Variants in ARHGAP21 observed in about 807,000 individuals in gnomAD.
ARHGAP21 encodes the protein Rho GTPase activating protein 21.
Under a neutral mutation model 164.6 loss-of-function variants are expected in ARHGAP21, and 38 were observed. The ratio of observed to expected loss-of-function variants is 0.23; its 90% confidence interval spans 0.18 to 0.30. The LOEUF (loss-of-function observed/expected upper bound fraction) is 0.30, where lower values mean the gene tolerates loss of function less well. Among genes scored for constraint, ARHGAP21 ranks in the 10% least tolerant of loss-of-function variants. ARHGAP21 has a pLI of 1.00. For synonymous variants in ARHGAP21, 766 were observed against 857.9 expected (o/e 0.89, Z 1.87); for missense variants, 1,822 against 2,370.7 (o/e 0.77, Z 4.81).
At chr10:24,684,417 T>C (rs1343972580) in intron 2 of ARHGAP21, among the ~76,000 whole-genome samples, 1 of 152,216 alleles carries the variant, frequency 6.6e-6, no homozygotes, top group Non-Finnish European at 1.5e-5. Context: ...CACATTTAAC[T>C]ATTACTACAA....
chr10:24,697,876 TA>T (rs1482326149), intron 2 of ARHGAP21, among the ~76,000 whole-genome samples: 1 of 150,670 alleles, frequency 6.6e-6, no homozygotes, highest in African/African-American at 2.4e-5. Context: ...AATAAAAAAA[TA>T]AAAAAAATAA....
intron 21 of ARHGAP21, among the ~76,000 whole-genome samples, chr10:24,593,455 TA>T (rs757239875): frequency 6.6e-6 from 1 of 152,170 alleles, no homozygotes; most frequent in Non-Finnish European, 1.5e-5. Flanking sequence ...GTTTTTAGAC[TA>T]ATGATAACAA....
chr10:24,667,786 T>C (rs1398885084), intron 3 of ARHGAP21, among the ~76,000 whole-genome samples: 2 of 151,898 alleles, frequency 1.3e-5, no homozygotes, highest in South Asian at 2.1e-4. Flanking sequence ...GATTATAAGA[T>C]CTAGTCTGAG....
intron 24 of ARHGAP21, chr10:24,590,352 A>G (rs10734053): frequency 1 from 1,535,297 of 1,535,376 alleles, 767,609 homozygotes; most frequent in Middle Eastern, 1. Context: ...AGAATCGGGG[A>G]TTTCTGCAGA....
intron 2 of ARHGAP21, chr10:24,706,496 C>T (rs1429056737): frequency 6.6e-6 from 1 of 152,632 alleles, no homozygotes; most frequent in Non-Finnish European, 1.5e-5. Context: ...TATACATACA[C>T]ACTTATGAAA....
chr10:24,593,479 A>G (rs1240001907), intron 21 of ARHGAP21, among the ~76,000 whole-genome samples: 1 of 152,090 alleles, frequency 6.6e-6, no homozygotes, highest in Non-Finnish European at 1.5e-5. Context: ...ATTAATATTT[A>G]TATGTATACA....
chr10:24,651,459 A>G (rs1838153503), intron 4 of ARHGAP21, among the ~76,000 whole-genome samples: 1 of 152,174 alleles, frequency 6.6e-6, no homozygotes, highest in Admixed American at 6.5e-5. Context: ...AGCCTTCTGC[A>G]TATCTCATCC....
intron 25 of ARHGAP21, among the ~76,000 whole-genome samples, chr10:24,587,153 T>A (rs1483543866): frequency 6.6e-6 from 1 of 152,046 alleles, no homozygotes; most frequent in South Asian, 2.1e-4. Context: ...TAGGTTCTTT[T>A]AAAAAAAATT....
chr10:24,628,900 T>TAAACACAC, intron 7 of ARHGAP21: 1 of 74,208 alleles, frequency 1.3e-5, no homozygotes, highest in African/African-American at 4.8e-5. Flanking sequence ...TATACATACA[T>TAAACACAC]ATATACACAT....
chr10:24,666,069 C>T (rs936301786), intron 4 of ARHGAP21, among the ~76,000 whole-genome samples: 3 of 151,904 alleles, frequency 2.0e-5, no homozygotes, highest in Admixed American at 1.3e-4. Context: ...TCGCCCTGTC[C>T]CCCAGGCTGG....
intron 4 of ARHGAP21, among the ~76,000 whole-genome samples, chr10:24,642,340 C>T (rs1015176148): frequency 6.6e-6 from 1 of 151,588 alleles, no homozygotes; most frequent in East Asian, 1.9e-4. Flanking sequence ...ACGGTGAAAC[C>T]CCGTCTCTAC....
chr10:24,599,932 G>A (rs111252807), intron 14 of ARHGAP21, among the ~76,000 whole-genome samples: 144 of 152,180 alleles, frequency 9.5e-4, no homozygotes, highest in African/African-American at 3.3e-3. Context: ...AGGAGATAGA[G>A]ACCATCCTGG....
chr10:24,689,847 T>A (rs1004429257), intron 2 of ARHGAP21, among the ~76,000 whole-genome samples: 2 of 148,562 alleles, frequency 1.3e-5, no homozygotes, highest in African/African-American at 4.9e-5. Context: ...TATATATATG[T>A]ATATATGTAT....
chr10:24,597,656 G>T, intron 15 of ARHGAP21, 73 bp from the exon 16 acceptor site: 1 of 1,571,194 alleles, frequency 6.4e-7, no homozygotes, highest in Non-Finnish European at 8.6e-7. Context: ...TACCCGTGGT[G>T]AGCCATGGTC....
intron 7 of ARHGAP21, among the ~76,000 whole-genome samples, chr10:24,624,349 T>TTTTTTTTC (rs1834873685): frequency 7.0e-6 from 1 of 141,862 alleles, no homozygotes; most frequent in African/African-American, 2.7e-5. Flanking sequence ...TTTTTTTTTT[T>TTTTTTTTC]TTTTTTTTGA....
chr10:24,619,762 T>C lies in ARHGAP21; in HGVS notation c.2133A>G (p.Gln711=), dbSNP rs753028153. Residue 711 remains glutamine, a synonymous_variant, in exon 9 of 26, where the codon CAA becomes CAG. Coordinates refer to ENST00000396432, the MANE Select transcript of ARHGAP21 (RefSeq NM_020824.4). ...CTTGTAAACTTAAATCTTGATTCCT[T>C]TGACTGACAGGTAGTTCTAAATCTG... The part of the protein sequence containing the change: ...GTSDLELPVS[Q]RNQDLSLQEA... 11 of 1,614,166 alleles carry C rather than the reference T, an allele frequency of 6.8e-6. No individual in the cohort carries two copies. The highest frequency in any genetic ancestry group is 9.3e-6 in the Non-Finnish European group (11 of 1,180,046).
At chr10:24,681,913 A>G (rs768683027) in intron 2 of ARHGAP21, among the ~76,000 whole-genome samples, 44 of 152,018 alleles carry the variant, frequency 2.9e-4, no homozygotes, top group Non-Finnish European at 5.9e-4. Context: ...AAGGACATGC[A>G]CTCTGACTAG....
At chr10:24,626,736 G>GT (rs1244819051) in intron 7 of ARHGAP21, among the ~76,000 whole-genome samples, 2 of 152,018 alleles carry the variant, frequency 1.3e-5, no homozygotes, top group African/African-American at 2.4e-5. Flanking sequence ...AATCATTTTG[G>GT]TTTTTGGAAA....
At chr10:24,637,391 T>C (rs1380038182) in intron 4 of ARHGAP21, among the ~76,000 whole-genome samples, 5 of 152,230 alleles carry the variant, frequency 3.3e-5, no homozygotes, top group Non-Finnish European at 5.9e-5. Flanking sequence ...ATCTATCTTC[T>C]TGGCTAGATA....
Sources: allele counts gnomAD v4.1 joint callset (sites outside exome capture counted in the v4.1 genomes callset), GRCh38; gene constraint gnomAD v4.1.1; transcripts MANE v1.5; gene names NCBI Gene and HGNC (gene_info 2026-07-23, HGNC 2026-07-21).